Variants in KCNH7 observed in about 807,000 individuals in gnomAD.
KCNH7 encodes potassium voltage-gated channel subfamily H member 7.
Under a neutral mutation model 120.8 loss-of-function variants are expected in KCNH7, and 49 were observed. The ratio of observed to expected loss-of-function variants is 0.41; its 90% CI spans 0.32 to 0.51. The LOEUF (loss-of-function observed/expected upper bound fraction) is 0.51. KCNH7 is among the 20% of genes least tolerant of loss of function. The probability of loss-of-function intolerance (pLI) is 0.38; values close to 1 mark genes in which losing one functional copy is unlikely to be tolerated. For synonymous variants in KCNH7, 547 were observed against 516.1 expected, an observed-to-expected ratio of 1.06 and a Z score of -0.81; for missense variants, 1,097 against 1,446.6, an observed-to-expected ratio of 0.76 and a Z score of 3.92.
chr2:162,404,944 C>A (rs79900435), intron 9 of KCNH7, among the ~76,000 whole-genome samples: 1 of 152,038 alleles, frequency 6.6e-6, no homozygotes, highest in Non-Finnish European at 1.5e-5. Context: ...ATTTCCCACA[C>A]TCTACTTTCA....
chr2:162,708,471 C>G (rs2105353912), intron 2 of KCNH7, among the ~76,000 whole-genome samples: 1 of 152,146 alleles, frequency 6.6e-6, no homozygotes, highest in East Asian at 1.9e-4. Flanking sequence ...CAATTAGTTT[C>G]CTCTCTAGGG....
intron 5 of KCNH7, among the ~76,000 whole-genome samples, chr2:162,510,457 C>A (rs986636158): frequency 6.6e-6 from 1 of 151,472 alleles, no homozygotes; most frequent in Non-Finnish European, 1.5e-5. Context: ...CTAACACGGA[C>A]TTCCCGAGAA....
At position 162,371,509 on chromosome 2, in the gene KCNH7, G is replaced by A. The variant is rs1320877632; in HGVS notation, c.*320C>T. The A allele has an allele frequency of 2.5e-6, 3 of 1,200,102 alleles. No individual in the cohort carries two copies. Among genetic ancestry groups the A allele is most frequent in the African/African-American group, 3.1e-5 (2 of 63,934 alleles). 74.3% of individuals were successfully genotyped at this position (1,200,102 alleles called of 1,614,324 possible). On this transcript the variant is annotated 3_prime_UTR_variant, in exon 16 of 16. Coordinates refer to ENST00000332142, the MANE Select transcript of KCNH7 (RefSeq NM_033272.4). ...ATTTTCATAACGAAGTACTGGTTTAGTAAAAGCAGTAAATAGGAGTCTCCA... is the reference window on the plus strand; with the variant it reads ...ATTTTCATAACGAAGTACTGGTTTAATAAAAGCAGTAAATAGGAGTCTCCA...
chr2:162,546,892 G>A (rs1288076836), intron 2 of KCNH7, among the ~76,000 whole-genome samples: 1 of 152,060 alleles, frequency 6.6e-6, no homozygotes, highest in Non-Finnish European at 1.5e-5. Context: ...GTGATGGAGT[G>A]TCTGAAGAGA....
At chr2:162,466,247 A>G (rs1473235240) in intron 6 of KCNH7, among the ~76,000 whole-genome samples, 2 of 152,184 alleles carry the variant, frequency 1.3e-5, no homozygotes, top group Non-Finnish European at 2.9e-5. Context: ...TTTAAAAGGT[A>G]CTGTATTAGT....
intron 2 of KCNH7, among the ~76,000 whole-genome samples, chr2:162,550,883 C>A (rs1335887759): frequency 7.7e-6 from 1 of 129,890 alleles, no homozygotes; most frequent in East Asian, 2.3e-4. Flanking sequence ...CAAAACTAGG[C>A]TAGATAATAA....
chr2:162,556,581 C>A (rs939103922), intron 2 of KCNH7, among the ~76,000 whole-genome samples: 1 of 152,174 alleles, frequency 6.6e-6, no homozygotes, highest in African/African-American at 2.4e-5. Flanking sequence ...CAACTGGCTG[C>A]AATGTATCTG....
intron 2 of KCNH7, among the ~76,000 whole-genome samples, chr2:162,719,116 C>T (rs188451088): frequency 5.4e-4 from 82 of 152,100 alleles, no homozygotes; most frequent in Non-Finnish European, 4.4e-5. Context: ...ATAACAGAGC[C>T]TTAGTTCCTG....
intron 2 of KCNH7, among the ~76,000 whole-genome samples, chr2:162,727,989 A>G (rs1188998187): frequency 6.6e-6 from 1 of 152,212 alleles, no homozygotes; most frequent in Non-Finnish European, 1.5e-5. Context: ...GCATATATAT[A>G]TGTTCATGAG....
intron 2 of KCNH7, among the ~76,000 whole-genome samples, chr2:162,579,449 T>C (rs1693801083): frequency 6.6e-6 from 1 of 152,056 alleles, no homozygotes; most frequent in South Asian, 2.1e-4. Context: ...GTAATGTCCT[T>C]CTTGATCCTC....
chr2:162,554,413 TTTA>T (rs558824035), intron 2 of KCNH7, among the ~76,000 whole-genome samples: 4 of 151,812 alleles, frequency 2.6e-5, no homozygotes, highest in Admixed American at 6.6e-5. Flanking sequence ...ATGTTGTCCT[TTTA>T]TTATTATTAT....
intron 2 of KCNH7, among the ~76,000 whole-genome samples, chr2:162,623,276 T>A (rs570662720): frequency 1.1e-4 from 16 of 152,254 alleles, no homozygotes; most frequent in Non-Finnish European, 1.9e-4. Context: ...TTCTAAAATG[T>A]TTATATTTCA....
chr2:162,723,695 G>A (rs745393791), intron 2 of KCNH7, among the ~76,000 whole-genome samples: 16 of 150,938 alleles, frequency 1.1e-4, no homozygotes, highest in Non-Finnish European at 2.4e-4. Flanking sequence ...CATATATGAG[G>A]GAAATTCAAA....
chr2:162,570,221 G>A (rs1693417539), intron 2 of KCNH7, among the ~76,000 whole-genome samples: 1 of 149,184 alleles, frequency 6.7e-6, no homozygotes. Flanking sequence ...CTCCTGTATT[G>A]GGTGCATATA....
At chr2:162,387,736 T>C (rs1686617153) in intron 12 of KCNH7, among the ~76,000 whole-genome samples, 1 of 151,776 alleles carries the variant, frequency 6.6e-6, no homozygotes, top group African/African-American at 2.4e-5. Context: ...ACTTGTCTTA[T>C]GGGTGTCTCT....
intron 2 of KCNH7, among the ~76,000 whole-genome samples, chr2:162,825,765 T>C (rs1483397932): frequency 6.6e-6 from 1 of 152,028 alleles, no homozygotes; most frequent in Non-Finnish European, 1.5e-5. Context: ...ATTAAAAAAA[T>C]ATGCATGTTC....
intron 6 of KCNH7, among the ~76,000 whole-genome samples, chr2:162,473,117 T>C (rs1313637893): frequency 2.6e-5 from 4 of 152,062 alleles, no homozygotes; most frequent in Non-Finnish European, 5.9e-5. Context: ...ATATACCTAA[T>C]GTAAATGATG....
intron 8 of KCNH7, among the ~76,000 whole-genome samples, chr2:162,428,341 T>A (rs1687935592): frequency 6.6e-6 from 1 of 151,900 alleles, no homozygotes; most frequent in South Asian, 2.1e-4. Flanking sequence ...GCCCTCTTCC[T>A]CCTTCTCCCC....
chr2:162,431,037 C>T (rs1688048300), intron 8 of KCNH7, among the ~76,000 whole-genome samples: 1 of 151,974 alleles, frequency 6.6e-6, no homozygotes, highest in Non-Finnish European at 1.5e-5. Context: ...TTACTGTACT[C>T]TGTACACAGT....
Sources: allele counts gnomAD v4.1 joint callset (sites outside exome capture counted in the v4.1 genomes callset), GRCh38; gene constraint gnomAD v4.1.1; transcripts MANE v1.5; gene names NCBI Gene and HGNC (gene_info 2026-07-23, HGNC 2026-07-21).